The following SRGAP1 variants were observed in gnomAD, a reference collection of about 807,000 sequenced individuals.
SRGAP1 encodes the protein SLIT-ROBO Rho GTPase-activating protein 1.
SRGAP1 carries 43 observed loss-of-function variants against 121.9 expected under a neutral mutation model. The ratio of observed to expected loss-of-function variants is 0.35; its 90% CI spans 0.28 to 0.46. The LOEUF is 0.46. Ranked by LOEUF, SRGAP1 falls within the 20% of genes least tolerant of loss-of-function variation. SRGAP1 has a pLI of 1.00. For missense variants in SRGAP1, 1,102 were observed against 1,350.9 expected, an observed-to-expected ratio of 0.82 and a Z score of 2.89; for synonymous variants, 447 against 485.4, an observed-to-expected ratio of 0.92 and a Z score of 1.04.
At chr12:63,866,992 C>T (rs957544931) in intron 1 of SRGAP1, among the ~76,000 whole-genome samples, 3 of 152,114 alleles carry the variant, frequency 2.0e-5, no homozygotes, top group Non-Finnish European at 2.9e-5. Context: ...CCTCAGCCTT[C>T]TGAGTAGCTG....
intron 1 of SRGAP1, among the ~76,000 whole-genome samples, chr12:63,915,894 G>A (rs1218687971): frequency 6.6e-6 from 1 of 152,228 alleles, no homozygotes; most frequent in East Asian, 1.9e-4. Context: ...TATTAATGAA[G>A]TGAGAAGTCT....
At chr12:64,098,430 C>A (rs559336574) in intron 15 of SRGAP1, among the ~76,000 whole-genome samples, 10 of 151,504 alleles carry the variant, frequency 6.6e-5, no homozygotes, top group African/African-American at 2.2e-4. Flanking sequence ...TAAAAGCAAA[C>A]TCCCCAAGGT....
intron 3 of SRGAP1, among the ~76,000 whole-genome samples, chr12:64,003,416 A>G (rs575749047): frequency 5.7e-4 from 86 of 151,796 alleles, no homozygotes; most frequent in Admixed American, 3.9e-3. Flanking sequence ...CAACCACGAT[A>G]AAAATGTTCC....
At chr12:64,040,821 G>A (rs890482557) in intron 4 of SRGAP1, among the ~76,000 whole-genome samples, 6 of 152,084 alleles carry the variant, frequency 3.9e-5, no homozygotes, top group African/African-American at 1.4e-4. Flanking sequence ...CAATAGATCA[G>A]TTTATTTTAA....
intron 18 of SRGAP1, among the ~76,000 whole-genome samples, chr12:64,119,833 C>T (rs1198973753): frequency 7.3e-6 from 1 of 136,704 alleles, no homozygotes; most frequent in Non-Finnish European, 1.5e-5. Context: ...TGCAATGGTA[C>T]AATCTCAGCT....
rs564236763 is a variant in SRGAP1, at chr12:64,028,942, T to C, written c.489+11930T>C. Among the ~76,000 whole-genome samples, 308 of 152,376 alleles carry C rather than the reference T, an allele frequency of 2.0e-3. 3 individuals carry two copies. Among genetic ancestry groups the C allele is most frequent in the African/African-American group, 7.0e-3 (291 of 41,594 alleles). On this transcript the variant is annotated intron_variant, in intron 4 of 21. Coordinates refer to ENST00000355086, the MANE Select transcript of SRGAP1 (RefSeq NM_020762.4). ...GTGATCACTGCAAGGGCTTGACATG[T>C]ATTCATTTACTCATTTATTCATTTT...
intron 8 of SRGAP1, among the ~76,000 whole-genome samples, chr12:64,071,365 T>A (rs1299540215): frequency 6.6e-6 from 1 of 152,226 alleles, no homozygotes; most frequent in African/African-American, 2.4e-5. Context: ...CTGAGCATTT[T>A]GGCATCCATG....
Position 64,139,466 on chromosome 12 carries a change from T to A in SRGAP1, c.2881-2829T>A, listed in dbSNP as rs544469114. Among the ~76,000 whole-genome samples, 237 of 152,322 alleles carry A rather than the reference T, an allele frequency of 1.6e-3. 1 individual carries two copies. The highest frequency in any genetic ancestry group is 3.0e-3 in the Non-Finnish European group (203 of 68,022). ...ACTTTTATCATAAAAGTTGAAAAAC[T>A]TGATTTGCATTTCTCTGATGGCCAG... On this transcript the variant is annotated intron_variant, in intron 21 of 21. Transcript: ENST00000355086.
intron 6 of SRGAP1, among the ~76,000 whole-genome samples, chr12:64,053,355 C>T (rs1404821244): frequency 3.3e-5 from 5 of 152,130 alleles, no homozygotes; most frequent in Admixed American, 1.3e-4. Flanking sequence ...TACCAAGCTG[C>T]GGGCTGGATT....
At chr12:63,980,587 G>A (rs1024326922) in intron 1 of SRGAP1, among the ~76,000 whole-genome samples, 5 of 151,296 alleles carry the variant, frequency 3.3e-5, no homozygotes, top group Non-Finnish European at 7.4e-5. Context: ...TCTTCCTAAC[G>A]AGATGTTTCT....
At chr12:63,882,922 ACT>A (rs1234824440) in intron 1 of SRGAP1, among the ~76,000 whole-genome samples, 16 of 152,168 alleles carry the variant, frequency 1.1e-4, no homozygotes, top group African/African-American at 3.6e-4. Context: ...AGCAACACAA[ACT>A]TCTTTTGTGA....
chr12:64,087,014 A>G lies in SRGAP1; in HGVS notation c.1424A>G (p.Tyr475Cys), dbSNP rs1321754625. ...RTLGEGHRAEYMTTRPPNVPP... is the reference protein window; with the variant it reads ...RTLGEGHRAECMTTRPPNVPP... ...TTTCCTGCAGGTCATAGAGCTGAAT[A>G]TATGACTACAAGGTAGGAAAATATT... is the stretch of plus-strand genomic sequence containing the variant. The change falls in exon 11 of 22, where the codon TAT (tyrosine) becomes TGT (cysteine). Residue 475 changes from tyrosine to cysteine, a missense_variant. By Grantham distance (194) the Tyr-to-Cys change is radical (BLOSUM62 -2). Transcript: ENST00000355086. The G allele has an allele frequency of 6.3e-7, 1 of 1,594,828 alleles. No individual in the cohort carries two copies. The highest frequency in any genetic ancestry group is 1.3e-5 in the African/African-American group (1 of 74,486).
chr12:64,035,992 G>A (rs972116507), intron 4 of SRGAP1, among the ~76,000 whole-genome samples: 18 of 152,158 alleles, frequency 1.2e-4, no homozygotes, highest in African/African-American at 4.1e-4. Flanking sequence ...GGAGCTCAGG[G>A]GCATTAGGAA....
At chr12:63,846,759 A>C (rs1190718873) in intron 1 of SRGAP1, among the ~76,000 whole-genome samples, 1 of 152,128 alleles carries the variant, frequency 6.6e-6, no homozygotes, top group Non-Finnish European at 1.5e-5. Flanking sequence ...CTCCTGCAGT[A>C]CCTACACATC....
intron 10 of SRGAP1, among the ~76,000 whole-genome samples, chr12:64,083,759 G>T (rs1353711015): frequency 2.6e-5 from 4 of 151,662 alleles, no homozygotes; most frequent in Non-Finnish European, 5.9e-5. Flanking sequence ...GCTTCTTTGT[G>T]TGCAGCATTT....
chr12:64,036,313 T>C (rs1006453336), intron 4 of SRGAP1, among the ~76,000 whole-genome samples: 1 of 152,180 alleles, frequency 6.6e-6, no homozygotes, highest in African/African-American at 2.4e-5. Context: ...CCCACGCACC[T>C]GAGAGTTTCC....
At position 64,154,700 on chromosome 12, in the gene SRGAP1, A is replaced by G. The variant is rs561029934; in HGVS notation, c.*12028A>G. The G allele has an allele frequency of 6.6e-6, 1 of 152,300 alleles. No homozygotes were observed. The highest frequency in any genetic ancestry group is 2.1e-4 in the South Asian group (1 of 4,830). 9.4% of individuals were successfully genotyped at this position (152,300 alleles called of 1,614,324 possible). On this transcript the variant is annotated 3_prime_UTR_variant, in exon 22 of 22. Transcript: ENST00000355086. ...AGATAGGTATTAGACTTCCAAGTGG[A>G]GAAGTCTAGGAGGCAGATGGACTTG...
intron 11 of SRGAP1, 123 bp downstream of exon 11, chr12:64,087,149 C>G: frequency 6.2e-6 from 4 of 644,066 alleles, no homozygotes; most frequent in Non-Finnish European, 7.6e-6. Context: ...TTTGGCTTGA[C>G]AAAGCATAGC....
intron 1 of SRGAP1, among the ~76,000 whole-genome samples, chr12:63,957,575 T>G (rs1287751687): frequency 6.6e-6 from 1 of 152,120 alleles, no homozygotes; most frequent in African/African-American, 2.4e-5. Context: ...CTGTGGCAAC[T>G]TCTAGAGAAA....
Sources: allele counts gnomAD v4.1 joint callset (sites outside exome capture counted in the v4.1 genomes callset), GRCh38; gene constraint gnomAD v4.1.1; transcripts MANE v1.5; gene names NCBI Gene and HGNC (gene_info 2026-07-23, HGNC 2026-07-21).